The following ARMH4 variants were observed in gnomAD, a reference collection of about 807,000 sequenced individuals.
The protein encoded by ARMH4 is armadillo-like helical domain-containing protein 4.
Under a neutral mutation model 61.9 loss-of-function variants are expected in ARMH4, and 49 were observed. The ratio of observed to expected loss-of-function variants is 0.79; its 90% CI spans 0.63 to 1.00. ARMH4 has a LOEUF of 1.00. Among genes scored for constraint, ARMH4 ranks in the 50% least tolerant of loss-of-function variants. The pLI, the probability that ARMH4 is intolerant of heterozygous loss-of-function variation, is 0.00. For synonymous variants in ARMH4, 368 were observed against 341.5 expected, an observed-to-expected ratio of 1.08 and a Z score of -0.85; for missense variants, 934 against 930.0, an observed-to-expected ratio of 1.00 and a Z score of -0.06.
chr14:58,005,507 T>C (rs919322361), intron 6 of ARMH4, among the ~76,000 whole-genome samples: 1 of 152,144 alleles, frequency 6.6e-6, no homozygotes, highest in African/African-American at 2.4e-5. Context: ...TAAAGATGGA[T>C]GAAGTAAGCC....
intron 5 of ARMH4, among the ~76,000 whole-genome samples, chr14:58,073,263 T>A (rs1363935637): frequency 6.6e-6 from 1 of 152,162 alleles, no homozygotes; most frequent in African/African-American, 2.4e-5. Flanking sequence ...ATGCCATTTT[T>A]AAAAAATAAA....
intron 5 of ARMH4, among the ~76,000 whole-genome samples, chr14:58,016,677 C>G (rs1442170026): frequency 6.6e-6 from 1 of 152,184 alleles, no homozygotes; most frequent in Admixed American, 6.5e-5. Flanking sequence ...CCAGTTGGCT[C>G]ACAGCTCAGC....
intron 5 of ARMH4, among the ~76,000 whole-genome samples, chr14:58,060,822 G>C (rs1276243000): frequency 2.0e-5 from 3 of 152,280 alleles, no homozygotes; most frequent in South Asian, 4.2e-4. Context: ...AATGCACAAA[G>C]GGAAGAAGTT....
rs183305149 is a variant in ARMH4 at position 58,005,665 on chromosome 14, C to G, written c.2122-483G>C. The stretch of plus-strand genomic sequence containing the variant: ...ACAGTGGTGGTCCTCTCTTCTCCCT[C>G]TCTGTCTGTCTTGGCTGCATTACAG... On this transcript the variant is annotated intron_variant, in intron 6 of 7. Transcript: ENST00000267485. Among the ~76,000 whole-genome samples, 423 of 152,262 alleles carry G rather than the reference C, an allele frequency of 2.8e-3. 1 individual carries two copies. The highest frequency in any genetic ancestry group is 9.9e-3 in the African/African-American group (412 of 41,546).
At position 58,001,918 on chromosome 14, in the gene ARMH4, G is replaced by C. The variant is rs536506795; in HGVS notation, c.*2818C>G. ...CTGGCTGGGTAAACTCAGTCCAGTG[G>C]GGATGGTGTTCACAACTGAAGCTGC... On this transcript the variant is annotated 3_prime_UTR_variant, in exon 8 of 8. Transcript: ENST00000267485. 6.6e-6 allele frequency: 1 copy of C among 152,208 alleles called. No individual in the cohort carries two copies. The highest frequency in any genetic ancestry group is 2.4e-5 in the African/African-American group (1 of 41,514). 9.4% of individuals were successfully genotyped at this position (152,208 alleles called of 1,614,324 possible).
chr14:58,112,954 G>A (rs2141290057), intron 4 of ARMH4, among the ~76,000 whole-genome samples: 1 of 152,054 alleles, frequency 6.6e-6, no homozygotes, highest in African/African-American at 2.4e-5. Flanking sequence ...TCATTACAAT[G>A]TATCTTGTTG....
chr14:58,006,644 C>G (rs943108531), intron 6 of ARMH4, among the ~76,000 whole-genome samples: 1 of 151,908 alleles, frequency 6.6e-6, no homozygotes, highest in Non-Finnish European at 1.5e-5. Flanking sequence ...CCCCAAGAAA[C>G]AAAGCCTAGA....
At chr14:58,026,584 TATC>T (rs1282982967) in intron 5 of ARMH4, among the ~76,000 whole-genome samples, 1 of 152,158 alleles carries the variant, frequency 6.6e-6, no homozygotes, top group Admixed American at 6.5e-5. Context: ...TGAAGTTCAG[TATC>T]ATCAAGCTTC....
intron 5 of ARMH4, among the ~76,000 whole-genome samples, chr14:58,077,655 A>C (rs1005722742): frequency 6.6e-6 from 1 of 152,180 alleles, no homozygotes; most frequent in African/African-American, 2.4e-5. Flanking sequence ...GGCTGGCAAG[A>C]ACACTCTGTA....
In ARMH4 at chr14:58,138,155, T is replaced by C. The variant is rs760887132; in HGVS notation, c.1204A>G (p.Ser402Gly). The C allele has an allele frequency of 6.2e-7, 1 of 1,614,220 alleles. No individual in the cohort carries two copies. Among genetic ancestry groups the C allele is most frequent in the South Asian group, 1.1e-5 (1 of 91,086 alleles). The change falls in exon 2 of 8, where the codon AGT becomes GGT. Residue 402 changes from serine to glycine, a missense_variant. Ser to Gly is a moderately conservative substitution (Grantham distance 56). Transcript: ENST00000267485. ...GAAACTTTCATGTCTTCCATCAGAC[T>C]TGTGGGGGTAAAGGAACTTTGATCA... ...FTDQSSFTPTSLMEDMKVSIV... is the reference protein window; with the variant it reads ...FTDQSSFTPTGLMEDMKVSIV...
At chr14:58,137,028 A>G (rs539718172) in intron 2 of ARMH4, among the ~76,000 whole-genome samples, 1 of 152,352 alleles carries the variant, frequency 6.6e-6, no homozygotes, top group Admixed American at 6.5e-5. Flanking sequence ...ATTTTACAAC[A>G]ATGTGTATGT....
Position 58,031,625 on chromosome 14 carries a change from G to A in ARMH4, c.2090-19475C>T, listed in dbSNP as rs146920898. ...CAGAGAGGAACTTGCAACAGACTTC[G>A]GCGAGAACTGCAGCTACTATGGCCA... On this transcript the variant is annotated intron_variant, in intron 5 of 7. Transcript: ENST00000267485. Among the ~76,000 whole-genome samples, 4 of 152,168 alleles carry A rather than the reference G, an allele frequency of 2.6e-5. No homozygotes were observed. In the East Asian group the frequency reaches 5.8e-4, roughly 22 times the overall value.
At chr14:58,123,847 T>C (rs1886811364) in intron 4 of ARMH4, among the ~76,000 whole-genome samples, 1 of 152,242 alleles carries the variant, frequency 6.6e-6, no homozygotes, top group African/African-American at 2.4e-5. Flanking sequence ...ATGGATGATT[T>C]ACTTTTAGCT....
intron 6 of ARMH4, among the ~76,000 whole-genome samples, chr14:58,008,248 T>C (rs1882258561): frequency 6.6e-6 from 1 of 152,182 alleles, no homozygotes; most frequent in South Asian, 2.1e-4. Context: ...CCTCAAATGG[T>C]TCAGGAAAAA....
intron 5 of ARMH4, among the ~76,000 whole-genome samples, chr14:58,040,263 G>T (rs1883642097): frequency 6.6e-6 from 1 of 151,980 alleles, no homozygotes; most frequent in Non-Finnish European, 1.5e-5. Context: ...TGTCACTCAG[G>T]TATTAAACTT....
At chr14:58,017,942 C>T (rs1481904280) in intron 5 of ARMH4, among the ~76,000 whole-genome samples, 4 of 152,130 alleles carry the variant, frequency 2.6e-5, no homozygotes, top group Non-Finnish European at 4.4e-5. Context: ...ACCAATGGAA[C>T]AGACTCAAGA....
chr14:58,030,159 A>G (rs1883176022), intron 5 of ARMH4, among the ~76,000 whole-genome samples: 1 of 152,202 alleles, frequency 6.6e-6, no homozygotes, highest in Admixed American at 6.5e-5. Context: ...GGTCCCTCCT[A>G]GAAGCTGGGT....
chr14:58,056,486 T>C (rs1388099045), intron 5 of ARMH4, among the ~76,000 whole-genome samples: 2 of 152,334 alleles, frequency 1.3e-5, no homozygotes, highest in East Asian at 1.9e-4. Flanking sequence ...TCCCATGAGA[T>C]GCACAGTGAA....
intron 5 of ARMH4, among the ~76,000 whole-genome samples, chr14:58,092,168 C>T (rs758392956): frequency 2.6e-5 from 4 of 151,382 alleles, no homozygotes; most frequent in Non-Finnish European, 5.9e-5. Context: ...TGGGTTTTAG[C>T]ATTTGCTTTG....
Sources: gnomAD v4.1 joint callset for allele counts (sites outside exome capture counted in the v4.1 genomes callset) on GRCh38, gnomAD v4.1.1 for gene constraint, MANE v1.5 for transcripts, NCBI Gene and HGNC (gene_info 2026-07-23, HGNC 2026-07-21) for gene names.